Variants in FBXL7 observed in about 807,000 individuals in gnomAD.
The protein encoded by FBXL7 is F-box and leucine rich repeat protein 7.
In FBXL7, 12 loss-of-function variants were observed where a neutral mutation model predicts 38.3. The ratio of observed to expected loss-of-function variants is 0.31; its 90% confidence interval spans 0.20 to 0.51. FBXL7 has a LOEUF of 0.51. Ranked by LOEUF, FBXL7 falls within the 20% of genes least tolerant of loss-of-function variation. The pLI is 0.98. For missense variants in FBXL7, 567 were observed against 676.4 expected (o/e 0.84, Z 1.79); for synonymous variants, 297 against 300.9 (o/e 0.99, Z 0.13).
chr5:15,761,694 C>A (rs1736451313), intron 2 of FBXL7, among the ~76,000 whole-genome samples: 1 of 152,102 alleles, frequency 6.6e-6, no homozygotes, highest in South Asian at 2.1e-4. Flanking sequence ...TAGGTGTACT[C>A]CACCACACCC....
chr5:15,783,453 T>C (rs1441683010), intron 2 of FBXL7, among the ~76,000 whole-genome samples: 1 of 152,086 alleles, frequency 6.6e-6, no homozygotes, highest in African/African-American at 2.4e-5. Flanking sequence ...TAGAGAATGA[T>C]CATTGTAAGC....
At position 15,927,966 on chromosome 5, in the gene FBXL7, G is replaced by C. The variant is rs375778319; in HGVS notation, c.204G>C (p.Gln68His). The change falls in exon 3 of 4, where the codon CAG (glutamine) becomes CAC (histidine). Residue 68 changes from glutamine to histidine, a missense_variant. Physicochemically the swap from Gln to His is conservative, Grantham distance 24. Transcript: ENST00000504595. ...LICPPNLPGF[Q>H]NGRGSSTSSS... ...GTCCACCGAATCTCCCAGGATTTCAGAATGGAAGGGGCTCGTCCACCTCCT... is the reference window on the plus strand; with the variant it reads ...GTCCACCGAATCTCCCAGGATTTCACAATGGAAGGGGCTCGTCCACCTCCT... 5 of 1,580,718 alleles carry C rather than the reference G, an allele frequency of 3.2e-6. No homozygotes were observed. The African/African-American group carries it at 6.7e-5, about 21-fold the overall frequency.
At chr5:15,765,650 A>G (rs1433351919) in intron 2 of FBXL7, among the ~76,000 whole-genome samples, 6 of 152,210 alleles carry the variant, frequency 3.9e-5, no homozygotes, top group African/African-American at 1.4e-4. Flanking sequence ...ATGATAAAAT[A>G]GAGAGCTGAG....
intron 1 of FBXL7, among the ~76,000 whole-genome samples, chr5:15,519,320 G>T (rs1737031932): frequency 6.6e-6 from 1 of 152,070 alleles, no homozygotes; most frequent in African/African-American, 2.4e-5. Flanking sequence ...TCCAGCCTGG[G>T]TGACAGAGCG....
chr5:15,592,796 T>C (rs1440285605), intron 1 of FBXL7, among the ~76,000 whole-genome samples: 1 of 152,220 alleles, frequency 6.6e-6, no homozygotes, highest in Non-Finnish European at 1.5e-5. Context: ...AGAAGTTTTA[T>C]TAGTGAGAGG....
At chr5:15,717,099 A>G (rs944463330) in intron 2 of FBXL7, among the ~76,000 whole-genome samples, 1 of 152,214 alleles carries the variant, frequency 6.6e-6, no homozygotes, top group Admixed American at 6.5e-5. Flanking sequence ...AGATCTTATT[A>G]TCTTCAAAGA....
chr5:15,613,429 G>C (rs1161757677), intron 1 of FBXL7, among the ~76,000 whole-genome samples: 1 of 152,206 alleles, frequency 6.6e-6, no homozygotes, highest in African/African-American at 2.4e-5. Context: ...GGCCACAAAG[G>C]CTGGTTAGGC....
At chr5:15,709,228 G>A (rs1317210549) in intron 2 of FBXL7, among the ~76,000 whole-genome samples, 1 of 152,112 alleles carries the variant, frequency 6.6e-6, no homozygotes, top group East Asian at 1.9e-4. Context: ...ATATTACACT[G>A]TGGCCATTAA....
rs186808800 is a variant in FBXL7 at position 15,719,802 on chromosome 5, T to G, written c.127+103730T>G. Among the ~76,000 whole-genome samples the G allele has an allele frequency of 2.7e-3, 399 of 149,048 alleles. 42 individuals carry two copies. The highest frequency in any genetic ancestry group is 4.8e-3 in the Non-Finnish European group (323 of 66,664). Reference sequence around the variant, plus strand: ...TAGGAATCATTAAGGTCAAGGTAGCTTGCCATGATTTAGGCCTCAGATCAA... The same window carrying G: ...TAGGAATCATTAAGGTCAAGGTAGCGTGCCATGATTTAGGCCTCAGATCAA... On this transcript the variant is annotated intron_variant, in intron 2 of 3. Transcript: ENST00000504595.
At position 15,939,582 on chromosome 5, in the gene FBXL7, G is replaced by A. The variant is rs1248929079; in HGVS notation, c.*2396G>A. 6.6e-6 allele frequency: 1 copy of A among 152,444 alleles called. No homozygotes were observed. The highest frequency in any genetic ancestry group is 6.5e-5 in the Admixed American group (1 of 15,288). The allele number at this position is 152,444 out of a possible 1,614,324, so 9.4% of individuals were successfully genotyped here. A position where few individuals can be genotyped will look rare whatever the true frequency, so the allele number is the denominator to read the frequency against. On this transcript the variant is annotated 3_prime_UTR_variant, in exon 4 of 4. Coordinates refer to ENST00000504595, the MANE Select transcript of FBXL7 (RefSeq NM_012304.5). ...GGGAATCTATGATGGAGGTTACTGG[G>A]GAAACAGCTCAGCAGATTTTTGGAG...
chr5:15,665,760 A>G (rs1013860656), intron 2 of FBXL7, among the ~76,000 whole-genome samples: 8 of 152,206 alleles, frequency 5.3e-5, no homozygotes, highest in Non-Finnish European at 1.0e-4. Flanking sequence ...TTATTAGATC[A>G]TAATGTATTT....
At chr5:15,756,036 A>T (rs1045007730) in intron 2 of FBXL7, among the ~76,000 whole-genome samples, 1 of 152,208 alleles carries the variant, frequency 6.6e-6, no homozygotes, top group African/African-American at 2.4e-5. Flanking sequence ...AAGTTTACTT[A>T]TTACTAAATA....
chr5:15,505,166 C>G (rs1736611312), intron 1 of FBXL7, among the ~76,000 whole-genome samples: 1 of 152,312 alleles, frequency 6.6e-6, no homozygotes, highest in South Asian at 2.1e-4. Flanking sequence ...ATAACAGTGG[C>G]AGCTAACATT....
At chr5:15,550,935 A>AG (rs1255429626) in intron 1 of FBXL7, among the ~76,000 whole-genome samples, 2 of 152,380 alleles carry the variant, frequency 1.3e-5, no homozygotes, top group Non-Finnish European at 2.9e-5. Flanking sequence ...TGACTTAAAC[A>AG]GTAGCATATG....
chr5:15,876,771 T>C (rs1740226330), intron 2 of FBXL7, among the ~76,000 whole-genome samples: 1 of 152,206 alleles, frequency 6.6e-6, no homozygotes, highest in South Asian at 2.1e-4. Flanking sequence ...AAATAAGCAA[T>C]TAGAAAACTA....
At chr5:15,671,638 A>G (rs767158827) in intron 2 of FBXL7, among the ~76,000 whole-genome samples, 1 of 152,202 alleles carries the variant, frequency 6.6e-6, no homozygotes, top group African/African-American at 2.4e-5. Flanking sequence ...GGATGATTCT[A>G]TTTTGGTTTA....
At chr5:15,818,697 T>C (rs1017337014) in intron 2 of FBXL7, among the ~76,000 whole-genome samples, 3 of 139,898 alleles carry the variant, frequency 2.1e-5, no homozygotes, top group African/African-American at 8.1e-5. Context: ...GAATGTCCCA[T>C]TATTTCGTGT....
intron 2 of FBXL7, among the ~76,000 whole-genome samples, chr5:15,738,669 T>C (rs953482668): frequency 3.9e-5 from 6 of 152,200 alleles, no homozygotes; most frequent in Non-Finnish European, 7.3e-5. Flanking sequence ...ATCATATCTG[T>C]GTGGTACCAT....
chr5:15,533,689 A>T (rs1385305455), intron 1 of FBXL7, among the ~76,000 whole-genome samples: 1 of 152,184 alleles, frequency 6.6e-6, no homozygotes, highest in Non-Finnish European at 1.5e-5. Flanking sequence ...AGTATTGTAT[A>T]AGATGGGAAG....
Sources: allele counts gnomAD v4.1 joint callset (sites outside exome capture counted in the v4.1 genomes callset), GRCh38; gene constraint gnomAD v4.1.1; transcripts MANE v1.5; gene names NCBI Gene and HGNC (gene_info 2026-07-23, HGNC 2026-07-21).